The following OR51B5 variants were observed in gnomAD, a reference collection of about 807,000 sequenced individuals.
OR51B5 encodes olfactory receptor family 51 subfamily B member 5.
For missense variants in OR51B5, 456 were observed against 374.6 expected (o/e 1.22, Z -1.79); for synonymous variants, 186 against 144.8 (o/e 1.28, Z -2.04).
chr11:5,453,648 A>G lies in OR51B5; in HGVS notation n.84+51921T>C, dbSNP rs144341122. 8.2e-5 allele frequency: 132 copies of G among 1,613,516 alleles called. No homozygotes were observed. The African/African-American group carries it at 1.5e-3, about 18-fold the overall frequency. On this transcript the variant is annotated intron_variant and non_coding_transcript_variant, in intron 1 of 4. Coordinates refer to the OR51B5 transcript ENST00000415970. ...CCTGCAGGCTGTGCGAGTGGAGCCC[A>G]GCCTCCATGAGCCCATGTACTACTT...
chr11:5,393,970 A>G (rs1849832955), intron 1 of OR51B5, among the ~76,000 whole-genome samples: 1 of 152,082 alleles, frequency 6.6e-6, no homozygotes. Flanking sequence ...CTTCTCCCTA[A>G]CTTTTTGTTC....
intron 1 of OR51B5, among the ~76,000 whole-genome samples, chr11:5,442,167 TCTC>T (rs1850698651): frequency 6.6e-6 from 1 of 152,162 alleles, no homozygotes; most frequent in African/African-American, 2.4e-5. Context: ...GGTATTTTCA[TCTC>T]CTCTTTATCT....
chr11:5,453,580 T>A, intron 1 of OR51B5: 1 of 1,613,100 alleles, frequency 6.2e-7, no homozygotes, highest in Non-Finnish European at 8.5e-7. Context: ...TCAGGGCCCC[T>A]CTGCGTGATG....
intron 1 of OR51B5, among the ~76,000 whole-genome samples, chr11:5,475,895 C>T (rs1285958868): frequency 6.8e-6 from 1 of 146,616 alleles, no homozygotes; most frequent in Non-Finnish European, 1.5e-5. Context: ...ACCTATTCAA[C>T]CTATGTTTCT....
chr11:5,487,773 A>C (rs1851518548), intron 1 of OR51B5, among the ~76,000 whole-genome samples: 1 of 152,184 alleles, frequency 6.6e-6, no homozygotes, highest in African/African-American at 2.4e-5. Context: ...GCCAGCCATT[A>C]TAGTGGTGGA....
chr11:5,376,238 G>C (rs1442195715), intron 1 of OR51B5, among the ~76,000 whole-genome samples: 4 of 152,050 alleles, frequency 2.6e-5, no homozygotes, highest in African/African-American at 9.7e-5. Flanking sequence ...AATGAAGGCA[G>C]AAATAAAGAT....
At chr11:5,390,082 G>T (rs773429140) in intron 1 of OR51B5, 6 of 1,613,752 alleles carry the variant, frequency 3.7e-6, no homozygotes, top group Non-Finnish European at 5.1e-6. Flanking sequence ...TCATCGCACT[G>T]TCCTATGGAC....
chr11:5,497,661 G>T (rs1851668792), intron 1 of OR51B5, among the ~76,000 whole-genome samples: 1 of 152,110 alleles, frequency 6.6e-6, no homozygotes, highest in African/African-American at 2.4e-5. Flanking sequence ...GAGACACTGG[G>T]TCCCTTCCTT....
chr11:5,480,187 C>A (rs199683118), intron 1 of OR51B5, among the ~76,000 whole-genome samples: 6,194 of 150,966 alleles, frequency 0.041, 507 homozygotes, highest in East Asian at 0.35. Flanking sequence ...CAAACTAGAA[C>A]TCAGGATTAA....
chr11:5,430,760 A>G, intron 1 of OR51B5: 1 of 457,214 alleles, frequency 2.2e-6, no homozygotes, highest in Non-Finnish European at 4.4e-6. Flanking sequence ...ACCAAAAGGC[A>G]GATGCTAGAC....
At chr11:5,341,694 A>C (rs560952853), downstream of OR51B5, among the ~76,000 whole-genome samples, 10 of 152,314 alleles carry the variant, frequency 6.6e-5, no homozygotes, top group South Asian at 2.1e-3. Flanking sequence ...TTCTTCAAAA[A>C]AATGCAGAAA....
intron 1 of OR51B5, among the ~76,000 whole-genome samples, chr11:5,447,316 C>G (rs1168769077): frequency 6.6e-6 from 1 of 152,156 alleles, no homozygotes; most frequent in Non-Finnish European, 1.5e-5. Context: ...TCACTCCACT[C>G]CCCTGCCTCA....
intron 1 of OR51B5, among the ~76,000 whole-genome samples, chr11:5,436,919 G>T (rs530499309): frequency 3.3e-5 from 5 of 152,118 alleles, no homozygotes; most frequent in Non-Finnish European, 7.4e-5. Flanking sequence ...AATGGCTCTA[G>T]AATGGACCTC....
intron 1 of OR51B5, among the ~76,000 whole-genome samples, chr11:5,353,966 G>GTGTGTTTGTCTGTAGTA (rs11274213): frequency 6.6e-6 from 1 of 151,796 alleles, no homozygotes; most frequent in Admixed American, 6.6e-5. Context: ...CAACTTGGCT[G>GTGTGTTTGTCTGTAGTA]TGTGTGAAAT....
At chr11:5,352,319 A>G (rs750774710) in intron 1 of OR51B5, 1 of 1,614,006 alleles carries the variant, frequency 6.2e-7, no homozygotes, top group Non-Finnish European at 8.5e-7. Flanking sequence ...CATGTCGTTC[A>G]CATCACAATG....
chr11:5,405,019 C>G (rs1306493670), intron 1 of OR51B5, among the ~76,000 whole-genome samples: 4 of 152,154 alleles, frequency 2.6e-5, no homozygotes, highest in Admixed American at 1.3e-4. Flanking sequence ...GACCAAGAAC[C>G]CACCGTTGCA....
At chr11:5,430,637 G>T (rs577289469) in intron 1 of OR51B5, 2 of 440,934 alleles carry the variant, frequency 4.5e-6, no homozygotes, top group East Asian at 7.1e-5. Context: ...GACAGTTCCT[G>T]ACTCCTTGCA....
At chr11:5,420,802 A>T (rs7116953) in intron 1 of OR51B5, among the ~76,000 whole-genome samples, 4,113 of 151,958 alleles carry the variant, frequency 0.027, 166 homozygotes, top group African/African-American at 0.093. Context: ...CTATTGAATA[A>T]TTTTTTTTCT....
intron 1 of OR51B5, chr11:5,430,759 C>T (rs74818886): frequency 0.013 from 5,937 of 457,052 alleles, 220 homozygotes; most frequent in African/African-American, 0.094. Context: ...CACCAAAAGG[C>T]AGATGCTAGA....
Sources: gnomAD v4.1 joint callset for allele counts (sites outside exome capture counted in the v4.1 genomes callset) on GRCh38, gnomAD v4.1.1 for gene constraint, MANE v1.5 for transcripts, NCBI Gene and HGNC (gene_info 2026-07-23, HGNC 2026-07-21) for gene names.